MYO1E: variants seen among roughly 807,000 people sequenced by gnomAD.
MYO1E encodes the protein myosin IE, also known as unconventional myosin-Ie.
A neutral mutation model predicts 151.1 loss-of-function variants in MYO1E; 68 were observed. That is an observed-to-expected ratio of 0.45 (90% CI 0.37 to 0.55). The LOEUF (loss-of-function observed/expected upper bound fraction) is 0.55. Ranked by LOEUF, MYO1E falls within the 20% of genes least tolerant of loss-of-function variation. MYO1E has a pLI of 0.00. For missense variants in MYO1E, 1,363 were observed against 1,389.3 expected (o/e 0.98, Z 0.30); for synonymous variants, 601 against 501.7 (o/e 1.20, Z -2.64).
chr15:59,269,284 A>G (rs551393634), intron 2 of MYO1E, among the ~76,000 whole-genome samples: 1 of 152,242 alleles, frequency 6.6e-6, no homozygotes, highest in Admixed American at 6.5e-5. Flanking sequence ...TATTACTCCC[A>G]TTTTACAGGT....
At chr15:59,344,888 G>A (rs2080785413) in intron 1 of MYO1E, among the ~76,000 whole-genome samples, 1 of 152,092 alleles carries the variant, frequency 6.6e-6, no homozygotes, top group African/African-American at 2.4e-5. Flanking sequence ...AGAATCAATA[G>A]GTACTAAAAG....
intron 17 of MYO1E, among the ~76,000 whole-genome samples, chr15:59,188,964 A>T (rs2079716194): frequency 6.6e-6 from 1 of 152,248 alleles, no homozygotes. Flanking sequence ...TTCTAATACA[A>T]GTTACAAAAG....
At chr15:59,169,314 CTT>C (rs2079578804) in intron 22 of MYO1E, among the ~76,000 whole-genome samples, 1 of 152,364 alleles carries the variant, frequency 6.6e-6, no homozygotes, top group South Asian at 2.1e-4. Context: ...CTGTTAAAAT[CTT>C]TCTCTATGCC....
At chr15:59,204,358 T>C (rs867661005) in intron 15 of MYO1E, among the ~76,000 whole-genome samples, 4 of 152,204 alleles carry the variant, frequency 2.6e-5, no homozygotes, top group African/African-American at 4.8e-5. Flanking sequence ...TTTGCTTTCA[T>C]TGCAGTCAGC....
chr15:59,214,608 C>T (rs1192404812), intron 11 of MYO1E, 32 bp downstream of exon 11: 2 of 1,536,704 alleles, frequency 1.3e-6, no homozygotes, highest in East Asian at 4.5e-5. Flanking sequence ...ACGTCACCCT[C>T]CTCAACCCCT....
At chr15:59,192,038 C>T (rs1255076521) in intron 17 of MYO1E, among the ~76,000 whole-genome samples, 1 of 152,190 alleles carries the variant, frequency 6.6e-6, no homozygotes, top group Non-Finnish European at 1.5e-5. Flanking sequence ...CCCTCTTTAC[C>T]AGGAGCTTCA....
intron 14 of MYO1E, chr15:59,207,866 C>A (rs200841152): frequency 6.2e-7 from 1 of 1,614,052 alleles, no homozygotes. Context: ...GCCGATTTAA[C>A]AGAAAGTATT....
At chr15:59,241,298 C>A (rs572768988) in intron 4 of MYO1E, among the ~76,000 whole-genome samples, 1 of 152,236 alleles carries the variant, frequency 6.6e-6, no homozygotes, top group South Asian at 2.1e-4. Flanking sequence ...AGTTGGAGAA[C>A]CAGCCTTAGC....
intron 1 of MYO1E, among the ~76,000 whole-genome samples, chr15:59,311,418 C>T (rs1403683715): frequency 6.6e-6 from 1 of 152,104 alleles, no homozygotes; most frequent in African/African-American, 2.4e-5. Context: ...GACAGTAATG[C>T]TCACTCATGC....
chr15:59,280,858 G>A (rs1374792463), intron 1 of MYO1E, among the ~76,000 whole-genome samples: 1 of 152,086 alleles, frequency 6.6e-6, no homozygotes, highest in Non-Finnish European at 1.5e-5. Flanking sequence ...GATTACTCTG[G>A]AAGCATTGTA....
At chr15:59,164,080 C>A (rs1159190833) in intron 22 of MYO1E, among the ~76,000 whole-genome samples, 1 of 152,188 alleles carries the variant, frequency 6.6e-6, no homozygotes, top group Non-Finnish European at 1.5e-5. Context: ...CAGAGAGACG[C>A]TGAGGCAGAC....
chr15:59,142,920 C>CAAAAA (rs10717979), intron 26 of MYO1E, among the ~76,000 whole-genome samples: 3 of 87,218 alleles, frequency 3.4e-5, no homozygotes, highest in Admixed American at 1.3e-4. Flanking sequence ...TAATTAGGTG[C>CAAAAA]AAAAAAAAAA....
At chr15:59,250,391 G>A (rs1356453004) in intron 4 of MYO1E, among the ~76,000 whole-genome samples, 1 of 152,134 alleles carries the variant, frequency 6.6e-6, no homozygotes, top group Non-Finnish European at 1.5e-5. Flanking sequence ...ATGTTTTCTG[G>A]TCGGCAATAC....
At chr15:59,162,142 C>T (rs2079541295) in intron 23 of MYO1E, among the ~76,000 whole-genome samples, 1 of 152,124 alleles carries the variant, frequency 6.6e-6, no homozygotes, top group Admixed American at 6.5e-5. Flanking sequence ...GCTCAAGTAT[C>T]CTCCCACCTC....
intron 26 of MYO1E, among the ~76,000 whole-genome samples, chr15:59,139,789 C>A (rs1158728600): frequency 6.6e-6 from 1 of 151,302 alleles, no homozygotes; most frequent in Non-Finnish European, 1.5e-5. Flanking sequence ...ACACTTCCCT[C>A]CGACCTGCTC....
chr15:59,354,740 GGTC>G (rs1406859639), intron 1 of MYO1E, among the ~76,000 whole-genome samples: 2 of 152,162 alleles, frequency 1.3e-5, no homozygotes, highest in African/African-American at 2.4e-5. Flanking sequence ...TGTGGGGACA[GGTC>G]AGGACTGGTT....
intron 26 of MYO1E, among the ~76,000 whole-genome samples, chr15:59,145,618 C>A (rs1247815764): frequency 6.6e-6 from 1 of 151,948 alleles, no homozygotes; most frequent in African/African-American, 2.4e-5. Flanking sequence ...TCTCGAACTC[C>A]TGGCCTCAAG....
At position 59,262,208 on chromosome 15, in the gene MYO1E, C is replaced by CAA. The variant is rs34250993; in HGVS notation, c.148-701_148-700dup. On this transcript the variant is annotated intron_variant, in intron 2 of 27. Coordinates refer to ENST00000288235, the MANE Select transcript of MYO1E (RefSeq NM_004998.4). ...GGCAACATAGTGAGACTCTTGTCTC[C>CAA]AAAAAAAAAATAAAAAAAAATATTC... 1.3e-4 allele frequency among the ~76,000 whole-genome samples: 19 copies of CAA among 141,170 alleles called. No individual in the cohort carries two copies. The South Asian group carries it at 1.6e-3, about 12-fold the overall frequency. The allele number at this position is 141,170 out of a possible 152,430, so 92.6% of individuals were successfully genotyped here. A position where few individuals can be genotyped will look rare whatever the true frequency, so the allele number is the denominator to read the frequency against.
intron 22 of MYO1E, among the ~76,000 whole-genome samples, chr15:59,163,985 C>T (rs776472385): frequency 1.3e-5 from 2 of 152,146 alleles, no homozygotes; most frequent in Non-Finnish European, 2.9e-5. Flanking sequence ...CACACCTTTG[C>T]GGGAACTGCA....
Sources: allele counts gnomAD v4.1 joint callset (sites outside exome capture counted in the v4.1 genomes callset), GRCh38; gene constraint gnomAD v4.1.1; transcripts MANE v1.5; gene names NCBI Gene and HGNC (gene_info 2026-07-23, HGNC 2026-07-21).